The following PHF2 variants were observed in gnomAD, a reference collection of about 807,000 sequenced individuals.
PHF2 encodes the protein lysine-specific demethylase PHF2.
PHF2 carries 27 observed loss-of-function variants against 120.5 expected under a neutral mutation model. The ratio of observed to expected loss-of-function variants is 0.22; its 90% CI spans 0.17 to 0.31. PHF2 has a LOEUF of 0.31. PHF2 is among the 10% of genes least tolerant of loss of function. PHF2 has a pLI of 1.00. For synonymous variants in PHF2, 568 were observed against 592.5 expected (o/e 0.96, Z 0.60); for missense variants, 1,024 against 1,434.8 (o/e 0.71, Z 4.63).
chr9:93,581,744 C>A (rs1040813743), intron 1 of PHF2, among the ~76,000 whole-genome samples: 2 of 152,198 alleles, frequency 1.3e-5, no homozygotes, highest in Non-Finnish European at 2.9e-5. Context: ...TGAAATGTGG[C>A]CACAGATGCC....
intron 6 of PHF2, among the ~76,000 whole-genome samples, chr9:93,654,022 C>A (rs1034081618): frequency 1.3e-5 from 2 of 152,138 alleles, no homozygotes; most frequent in Admixed American, 1.3e-4. Context: ...TGCAGAACCC[C>A]TCCTGGGGCC....
chr9:93,578,131 TGTG>T (rs1273010556), intron 1 of PHF2, among the ~76,000 whole-genome samples: 3 of 152,142 alleles, frequency 2.0e-5, no homozygotes, highest in Non-Finnish European at 2.9e-5. Context: ...CCAGTTTACA[TGTG>T]GGGACCTGGG....
At chr9:93,581,489 T>C (rs1411701429) in intron 1 of PHF2, among the ~76,000 whole-genome samples, 1 of 152,052 alleles carries the variant, frequency 6.6e-6, no homozygotes, top group African/African-American at 2.4e-5. Context: ...CAAGGAATTC[T>C]CCCCCTGTGT....
intron 2 of PHF2, among the ~76,000 whole-genome samples, chr9:93,631,349 A>T (rs1192625096): frequency 6.6e-6 from 1 of 152,150 alleles, no homozygotes; most frequent in Non-Finnish European, 1.5e-5. Context: ...CTCAACAAAT[A>T]TGCAAGCGGG....
intron 2 of PHF2, among the ~76,000 whole-genome samples, chr9:93,634,672 C>T (rs938735394): frequency 2.0e-5 from 3 of 152,228 alleles, no homozygotes; most frequent in Non-Finnish European, 4.4e-5. Flanking sequence ...ACCTCTCCTT[C>T]CAAGTTGCTC....
At chr9:93,617,849 C>T (rs187994582) in intron 1 of PHF2, among the ~76,000 whole-genome samples, 37 of 152,274 alleles carry the variant, frequency 2.4e-4, no homozygotes, top group Non-Finnish European at 4.6e-4. Flanking sequence ...AGGTTTGTCT[C>T]CCTGCTTTAT....
At chr9:93,612,244 C>T (rs1008132056) in intron 1 of PHF2, among the ~76,000 whole-genome samples, 2 of 152,210 alleles carry the variant, frequency 1.3e-5, no homozygotes, top group African/African-American at 4.8e-5. Context: ...ACATGATCCA[C>T]GTATCTATGG....
In PHF2 at chr9:93,677,011, C is replaced by A; in HGVS notation, c.3202+48C>A. On this transcript the variant is annotated intron_variant, in intron 21 of 21. Transcript: ENST00000359246. This position sits in a 1 kb window ranked among gnomAD's most constrained non-coding sequence, Gnocchi z 4.4. ...CCTGCAGCCCCCCTGCCCTGCCTGC[C>A]CCCATGGGCAGCCCCAGACATGCAG... 6.8e-7 allele frequency: 1 copy of A among 1,467,228 alleles called. No individual in the cohort carries two copies. Among genetic ancestry groups the A allele is most frequent in the South Asian group, 1.4e-5 (1 of 70,944 alleles). 90.9% of individuals were successfully genotyped at this position (1,467,228 alleles called of 1,614,324 possible).
rs1826470643 is a variant in PHF2, at chr9:93,656,883, C to T, written c.1147+288C>T. ...GCATGGCCTCAGTGCAGGTATCAAT[C>T]ACACCTGCTCCACCCTCCACACTTG... is the stretch of plus-strand genomic sequence containing the variant. On this transcript the variant is annotated intron_variant, in intron 9 of 21. Transcript: ENST00000359246. The surrounding 1 kb of genome is among the most constrained non-coding windows in gnomAD (Gnocchi z 4.1). Among the ~76,000 whole-genome samples, 1 of 152,160 alleles carries T rather than the reference C, an allele frequency of 6.6e-6. No individual in the cohort carries two copies. The highest frequency in any genetic ancestry group is 1.5e-5 in the Non-Finnish European group (1 of 68,018).
chr9:93,660,585 C>T (rs1245734791), intron 12 of PHF2, 25 bp downstream of exon 12: 3 of 1,521,498 alleles, frequency 2.0e-6, no homozygotes, highest in South Asian at 1.4e-5. Context: ...CCCTGACTCC[C>T]CACCTTATCA....
At chr9:93,577,710 G>A (rs868778493) in intron 1 of PHF2, among the ~76,000 whole-genome samples, 2 of 152,310 alleles carry the variant, frequency 1.3e-5, no homozygotes, top group Middle Eastern at 3.4e-3. Flanking sequence ...AGATGGGGAG[G>A]GGGGAAGGAG....
At position 93,640,711 on chromosome 9, in the gene PHF2, G is replaced by A. The variant is rs556235898; in HGVS notation, c.299+4186G>A. Among the ~76,000 whole-genome samples the A allele has an allele frequency of 2.3e-3, 353 of 152,044 alleles. 2 individuals carry two copies. The highest frequency in any genetic ancestry group is 8.2e-3 in the African/African-American group (339 of 41,462). ...TCTGTGCTATGTCTGAGTCTTCTTCGGATGCTTGCTTTGTCTCTTCAGACT... is the reference window on the plus strand; with the variant it reads ...TCTGTGCTATGTCTGAGTCTTCTTCAGATGCTTGCTTTGTCTCTTCAGACT... On this transcript the variant is annotated intron_variant, in intron 3 of 21. Coordinates refer to ENST00000359246, the MANE Select transcript of PHF2 (RefSeq NM_005392.4).
intron 1 of PHF2, among the ~76,000 whole-genome samples, chr9:93,620,016 G>A (rs555545344): frequency 6.6e-6 from 1 of 152,314 alleles, no homozygotes; most frequent in African/African-American, 2.4e-5. Context: ...AGGCGTCCCT[G>A]GGCTTCAGCT....
At chr9:93,671,279 C>T (rs1294554258) in intron 17 of PHF2, 2 of 806,276 alleles carry the variant, frequency 2.5e-6, no homozygotes, top group South Asian at 5.3e-5. Flanking sequence ...GGAGTAGGCA[C>T]AGGTGCAGAT....
intron 11 of PHF2, 67 bp from the exon 12 acceptor site, chr9:93,660,125 T>C (rs1228021849): frequency 4.1e-6 from 6 of 1,456,488 alleles, no homozygotes; most frequent in Non-Finnish European, 5.4e-6. Context: ...AGCATCCTGG[T>C]GTGTGGACCG....
intron 3 of PHF2, among the ~76,000 whole-genome samples, chr9:93,639,845 G>A (rs878982630): frequency 1.7e-4 from 26 of 152,190 alleles, no homozygotes; most frequent in Admixed American, 1.5e-3. Flanking sequence ...CGGTGGGGAC[G>A]AAGCCTGTGT....
intron 5 of PHF2, among the ~76,000 whole-genome samples, chr9:93,650,840 C>T (rs1281074479): frequency 6.6e-6 from 1 of 152,182 alleles, no homozygotes; most frequent in African/African-American, 2.4e-5. Flanking sequence ...TAGTCTTCAT[C>T]GTTTCCGTCA....
intron 1 of PHF2, among the ~76,000 whole-genome samples, chr9:93,629,071 T>A (rs1483358887): frequency 1.3e-5 from 2 of 152,114 alleles, no homozygotes; most frequent in African/African-American, 4.8e-5. Context: ...CTAATTTTTT[T>A]TGTATTTTTA....
intron 10 of PHF2, among the ~76,000 whole-genome samples, chr9:93,658,977 T>C (rs1375896112): frequency 6.6e-6 from 1 of 152,228 alleles, no homozygotes; most frequent in African/African-American, 2.4e-5. Flanking sequence ...GCAGAGGTAC[T>C]ATGCCCACTC....
Sources: allele counts gnomAD v4.1 joint callset (sites outside exome capture counted in the v4.1 genomes callset), GRCh38; gene constraint gnomAD v4.1.1; non-coding constraint Gnocchi (gnomAD v3.1); transcripts MANE v1.5; gene names NCBI Gene and HGNC (gene_info 2026-07-23, HGNC 2026-07-21).